Variants in MEF2D observed in about 807,000 individuals in gnomAD.
The protein encoded by MEF2D is myocyte enhancer factor 2D, also known as myocyte-specific enhancer factor 2D.
MEF2D carries 10 observed loss-of-function variants against 59.3 expected under a neutral mutation model. The observed-to-expected ratio is 0.17, with a 90% CI of 0.10 to 0.29. The LOEUF (loss-of-function observed/expected upper bound fraction) is 0.29, where lower values mean the gene tolerates loss of function less well. Ranked by LOEUF, MEF2D falls within the 10% of genes least tolerant of loss-of-function variation. The pLI is 1.00. For synonymous variants in MEF2D, 305 were observed against 295.0 expected (o/e 1.03, Z -0.35); for missense variants, 508 against 699.4 (o/e 0.73, Z 3.09).
In MEF2D at chr1:156,482,368, G is replaced by A. The variant is rs953343042; in HGVS notation, c.258+69C>T. ...TGCATAGGCAGGTCTGCGTGTACAT[G>A]CAACGTGGGCACGTGTCCATGTGGA... On this transcript the variant is annotated intron_variant, in intron 3 of 11. Coordinates refer to ENST00000348159, the MANE Select transcript of MEF2D (RefSeq NM_005920.4). 3.9e-6 allele frequency: 6 copies of A among 1,553,896 alleles called. No individual in the cohort carries two copies. In the Admixed American group the frequency reaches 8.4e-5, roughly 22 times the overall value.
chr1:156,492,258 G>A (rs1421926885), intron 1 of MEF2D, among the ~76,000 whole-genome samples: 3 of 152,194 alleles, frequency 2.0e-5, no homozygotes, highest in Non-Finnish European at 4.4e-5. Flanking sequence ...CACAGTGCAG[G>A]GTGGGAGTAA....
chr1:156,469,893 C>T lies in MEF2D; in HGVS notation c.1007-873G>A, dbSNP rs568312570. ...CTTGTCTCAAAAAGAAAAAAAAAAT[C>T]ATGTGTAGGTATCACTTTCATAACA... On this transcript the variant is annotated intron_variant, in intron 9 of 11. Transcript: ENST00000348159. 2.2e-3 allele frequency among the ~76,000 whole-genome samples: 341 copies of T among 151,816 alleles called. 2 individuals are homozygous for T. Among genetic ancestry groups the T allele is most frequent in the African/African-American group, 7.9e-3 (327 of 41,424 alleles).
At chr1:156,482,704 C>A in intron 2 of MEF2D, 64 bp from the exon 3 acceptor site, 1 of 1,486,122 alleles carries the variant, frequency 6.7e-7, no homozygotes, top group Non-Finnish European at 9.4e-7. Flanking sequence ...GGAGTCCCAG[C>A]CTACAGATGG....
At chr1:156,498,905 AAGGAAATTCATTCCC>A (rs1419556961) in intron 1 of MEF2D, among the ~76,000 whole-genome samples, 1 of 152,266 alleles carries the variant, frequency 6.6e-6, no homozygotes, top group East Asian at 1.9e-4. Flanking sequence ...AAACCACAGG[AAGGAAATTCATTCCC>A]AGGCAGGGCC....
rs1016037076 is a variant in MEF2D at position 156,483,519 on chromosome 1, T to C, written c.-138-89A>G. On this transcript the variant is annotated intron_variant, in intron 1 of 11. Transcript: ENST00000348159. The stretch of plus-strand genomic sequence containing the variant: ...ACACAGGCCAGACTCACAGCGCCCC[T>C]GTGAGAGGCTGGCAGCATCTGAGCT... The C allele has an allele frequency of 5.3e-6, 3 of 564,326 alleles. No individual in the cohort carries two copies. The African/African-American group carries it at 5.7e-5, about 11-fold the overall frequency. 35.0% of individuals were successfully genotyped at this position (564,326 alleles called of 1,614,324 possible).
chr1:156,476,915 T>C, intron 7 of MEF2D, 97 bp downstream of exon 7: 3 of 1,413,484 alleles, frequency 2.1e-6, no homozygotes, highest in East Asian at 2.3e-5. Context: ...TCCTAACTGC[T>C]GGCTAGCCTT....
intron 1 of MEF2D, among the ~76,000 whole-genome samples, chr1:156,485,786 C>T (rs545335499): frequency 1.3e-5 from 2 of 151,276 alleles, no homozygotes; most frequent in Admixed American, 1.3e-4. Flanking sequence ...CCTCCTACCT[C>T]GGCCTTCCAA....
At position 156,476,724 on chromosome 1, in the gene MEF2D, A is replaced by C. The variant is rs935309150; in HGVS notation, c.856-210T>G. On this transcript the variant is annotated intron_variant, in intron 7 of 11. Coordinates refer to ENST00000348159, the MANE Select transcript of MEF2D (RefSeq NM_005920.4). ...CCAGTGAGGAAATGCTCACCATCTA[A>C]TCCCCATCCCTCCTGCTATAGTGGC... 2.6e-5 allele frequency among the ~76,000 whole-genome samples: 4 copies of C among 151,818 alleles called. No individual in the cohort carries two copies. In the South Asian group the frequency reaches 8.3e-4, roughly 32 times the overall value.
intron 5 of MEF2D, 92 bp downstream of exon 5, chr1:156,479,494 G>C: frequency 2.7e-6 from 4 of 1,506,734 alleles, no homozygotes; most frequent in Non-Finnish European, 3.6e-6. Context: ...GCTGTGGTGG[G>C]TGAAGAGAAA....
chr1:156,475,222 G>A lies in MEF2D; in HGVS notation c.892C>T (p.Leu298Phe), dbSNP rs1285779224. The part of the protein sequence containing the change: ...DHLDLNNAQR[L>F]GVSQSTHSLT... ...GAATGAGTAGACTGGGAGACCCCAA[G>A]GCGCTGGGCATTGTTCTGTAGGAGA... is the stretch of plus-strand genomic sequence containing the variant. The change falls in exon 9 of 12, where the codon CTT becomes TTT. Residue 298 changes from leucine to phenylalanine, a missense_variant. Transcript: ENST00000348159. The A allele has an allele frequency of 6.2e-7, 1 of 1,612,082 alleles. No individual in the cohort carries two copies. Among genetic ancestry groups the A allele is most frequent in the African/African-American group, 1.3e-5 (1 of 74,990 alleles).
chr1:156,475,992 A>C (rs1381535434), intron 8 of MEF2D, among the ~76,000 whole-genome samples: 1 of 152,076 alleles, frequency 6.6e-6, no homozygotes, highest in Non-Finnish European at 1.5e-5. Context: ...ACCAAGAAGG[A>C]CAAGTCCAGC....
intron 8 of MEF2D, 107 bp from the exon 9 acceptor site, chr1:156,475,344 G>A (rs753528511): frequency 2.2e-5 from 30 of 1,386,886 alleles, no homozygotes; most frequent in Admixed American, 5.6e-5. Context: ...AAGCCAAGGC[G>A]GGGTGCCTTA....
Position 156,468,196 on chromosome 1 carries a change from G to A in MEF2D, c.1351C>T (p.Pro451Ser). Reference sequence around the variant, plus strand: ...AACACAGCTGGAGGGGGAGGCGCAGGGCTGCGCTCACGGCTTGGGGACACC... The same window carrying A: ...AACACAGCTGGAGGGGGAGGCGCAGAGCTGCGCTCACGGCTTGGGGACACC... Reference protein sequence around the residue: ...EPVSPSRERSPAPPPPAVFPA... With the variant: ...EPVSPSRERSSAPPPPAVFPA... The change falls in exon 11 of 12, where the codon CCT becomes TCT. Residue 451 changes from proline to serine, a missense_variant. This residue lies in a region of MEF2D where 481 missense variants were observed against 584.7 expected (regional missense o/e 0.82). Transcript: ENST00000348159. The surrounding 1 kb of genome is among the most constrained non-coding windows in gnomAD (Gnocchi z 4.3). 1 of 1,613,674 alleles carries A rather than the reference G, an allele frequency of 6.2e-7. No homozygotes were observed. The highest frequency in any genetic ancestry group is 8.5e-7 in the Non-Finnish European group (1 of 1,179,750).
At chr1:156,467,888 G>A (rs781390939) in intron 11 of MEF2D, 105 bp downstream of exon 11, 184 of 1,420,790 alleles carry the variant, frequency 1.3e-4, no homozygotes, top group Non-Finnish European at 1.6e-4. Flanking sequence ...AGGGGTAGCC[G>A]GCCACAAGGC....
At chr1:156,474,548 C>T (rs1021260641) in intron 9 of MEF2D, among the ~76,000 whole-genome samples, 3 of 152,188 alleles carry the variant, frequency 2.0e-5, no homozygotes, top group Non-Finnish European at 2.9e-5. Context: ...GTGCTGGGCA[C>T]AGTCGGTAAC....
chr1:156,477,077 G>A lies in MEF2D; in HGVS notation c.790C>T (p.Pro264Ser), dbSNP rs1260046862. The change falls in exon 7 of 12, where the codon CCC becomes TCC. Residue 264 changes from proline (P) to serine (S), a missense_variant. By Grantham distance (74) the Pro-to-Ser change is moderately conservative. This residue lies in a region of MEF2D where 481 missense variants were observed against 584.7 expected (regional missense o/e 0.82). Coordinates refer to ENST00000348159, the MANE Select transcript of MEF2D (RefSeq NM_005920.4). ...ACTCGCAGGTCGGGCTTGCGGCTGG[G>A]GGCTCCAAGCTGGGTGCTGTGGGTA... ...PPTHSTQLGA[P>S]SRKPDLRVIT... The A allele has an allele frequency of 6.2e-7, 1 of 1,613,830 alleles. No homozygotes were observed. Among genetic ancestry groups the A allele is most frequent in the Non-Finnish European group, 8.5e-7 (1 of 1,179,894 alleles).
rs547441132 is a variant in MEF2D at position 156,491,391 on chromosome 1, G to A, written c.-138-7961C>T. Among the ~76,000 whole-genome samples, 17 of 152,332 alleles carry A rather than the reference G, an allele frequency of 1.1e-4. 1 individual carries two copies. The South Asian group carries it at 3.5e-3, about 32-fold the overall frequency. On this transcript the variant is annotated intron_variant, in intron 1 of 11. Transcript: ENST00000348159. ...TCAGAATTGTGTAAGTCACGGAGAGGAACTGAAGAGATGGCCTGGCTGGGT... is the reference window on the plus strand; with the variant it reads ...TCAGAATTGTGTAAGTCACGGAGAGAAACTGAAGAGATGGCCTGGCTGGGT...
At position 156,467,582 on chromosome 1, in the gene MEF2D, AG is replaced by A. The variant is rs2101968528; in HGVS notation, c.*62del. The A allele has an allele frequency of 2.3e-6, 3 of 1,288,364 alleles. No individual in the cohort carries two copies. In the Admixed American group the frequency reaches 9.1e-5, roughly 39 times the overall value. The allele number at this position is 1,288,364 out of a possible 1,614,324, so 79.8% of individuals were successfully genotyped here. A position where few individuals can be genotyped will look rare whatever the true frequency, so the allele number is the denominator to read the frequency against. On this transcript the variant is annotated 3_prime_UTR_variant, in exon 12 of 12. Coordinates refer to ENST00000348159, the MANE Select transcript of MEF2D (RefSeq NM_005920.4). Reference sequence around the variant, plus strand: ...GAGCGGGAGGAGCCCGGGGCAGGGAAGGGCGGGCGGTGAGATTGTCAACTCT... The same window carrying A: ...GAGCGGGAGGAGCCCGGGGCAGGGAAGGCGGGCGGTGAGATTGTCAACTCT...
chr1:156,473,650 C>T (rs963674798), intron 9 of MEF2D, among the ~76,000 whole-genome samples: 4 of 152,180 alleles, frequency 2.6e-5, no homozygotes, highest in East Asian at 3.8e-4. Context: ...ACTGTTCCTG[C>T]GCAGGTGTGA....
Sources: allele counts gnomAD v4.1 joint callset (sites outside exome capture counted in the v4.1 genomes callset), GRCh38; gene constraint gnomAD v4.1.1; regional missense constraint gnomAD v4.1.1; non-coding constraint Gnocchi (gnomAD v3.1); transcripts MANE v1.5; gene names NCBI Gene and HGNC (gene_info 2026-07-23, HGNC 2026-07-21).